Variants in CSMD1 observed in about 807,000 individuals in gnomAD.
CSMD1 encodes the protein CUB and sushi domain-containing protein 1.
A neutral mutation model predicts 417.5 loss-of-function variants in CSMD1; 213 were observed. The observed-to-expected ratio is 0.51, with a 90% CI of 0.46 to 0.57. The LOEUF (loss-of-function observed/expected upper bound fraction) is 0.57, where lower values mean the gene tolerates loss of function less well. Ranked by LOEUF, CSMD1 falls within the 20% of genes least tolerant of loss-of-function variation. The pLI, the probability that CSMD1 is intolerant of heterozygous loss-of-function variation, is 0.00. For synonymous variants in CSMD1, 2,862 were observed against 1,736.8 expected (o/e 1.65, Z -16.11); for missense variants, 6,923 against 4,529.7 (o/e 1.53, Z -15.17).
chr8:3,993,088 C>G (rs1814883946), intron 5 of CSMD1, among the ~76,000 whole-genome samples: 1 of 152,202 alleles, frequency 6.6e-6, no homozygotes, highest in African/African-American at 2.4e-5. Flanking sequence ...CAAACAGAGT[C>G]TGAAAATGAG....
At chr8:4,418,130 G>A (rs1046075174) in intron 3 of CSMD1, among the ~76,000 whole-genome samples, 1 of 151,552 alleles carries the variant, frequency 6.6e-6, no homozygotes, top group African/African-American at 2.4e-5. Flanking sequence ...CTTTTTGACA[G>A]GTTTTTTTCT....
intron 3 of CSMD1, among the ~76,000 whole-genome samples, chr8:4,188,951 A>G (rs1350705530): frequency 6.6e-6 from 1 of 152,212 alleles, no homozygotes; most frequent in African/African-American, 2.4e-5. Flanking sequence ...CTCAGATATT[A>G]GAGCCCTGTG....
intron 1 of CSMD1, among the ~76,000 whole-genome samples, chr8:4,703,183 C>T (rs1044183491): frequency 6.6e-6 from 1 of 152,132 alleles, no homozygotes; most frequent in Non-Finnish European, 1.5e-5. Context: ...TTCAAATTTT[C>T]TTTACAAAAT....
intron 3 of CSMD1, among the ~76,000 whole-genome samples, chr8:4,158,864 C>G (rs981427586): frequency 1.3e-4 from 20 of 152,288 alleles, no homozygotes; most frequent in African/African-American, 4.8e-4. Flanking sequence ...TCTGAAATCT[C>G]AAGTCCTCAG....
chr8:3,250,725 T>C (rs1419749340), intron 26 of CSMD1, among the ~76,000 whole-genome samples: 1 of 152,150 alleles, frequency 6.6e-6, no homozygotes, highest in African/African-American at 2.4e-5. Context: ...CACCTGTTGT[T>C]TCCTGACTTT....
intron 23 of CSMD1, among the ~76,000 whole-genome samples, chr8:3,335,623 T>G (rs1222035099): frequency 6.6e-6 from 1 of 151,970 alleles, no homozygotes; most frequent in Non-Finnish European, 1.5e-5. Flanking sequence ...GTGCAATGAG[T>G]CGAGCTCGTG....
At chr8:3,088,827 G>C (rs942150556) in intron 48 of CSMD1, among the ~76,000 whole-genome samples, 1 of 135,106 alleles carries the variant, frequency 7.4e-6, no homozygotes, top group African/African-American at 2.8e-5. Flanking sequence ...TCAATGGCTT[G>C]GAATCACTGT....
At chr8:4,812,724 A>G (rs1798978309) in intron 1 of CSMD1, among the ~76,000 whole-genome samples, 1 of 152,230 alleles carries the variant, frequency 6.6e-6, no homozygotes, top group Admixed American at 6.5e-5. Context: ...TATTAAAAGA[A>G]ATTGCCTTTC....
At chr8:3,202,052 C>T (rs1797019654) in intron 31 of CSMD1, among the ~76,000 whole-genome samples, 1 of 151,966 alleles carries the variant, frequency 6.6e-6, no homozygotes, top group Non-Finnish European at 1.5e-5. Context: ...CCTGTAATCC[C>T]AGTACTTTGG....
At chr8:4,454,279 T>C (rs1799336014) in intron 2 of CSMD1, among the ~76,000 whole-genome samples, 1 of 152,206 alleles carries the variant, frequency 6.6e-6, no homozygotes. Flanking sequence ...ACTGGACTCC[T>C]GACTTCGGTG....
chr8:3,236,444 G>A (rs1225123627), intron 26 of CSMD1, among the ~76,000 whole-genome samples: 1 of 152,178 alleles, frequency 6.6e-6, no homozygotes, highest in East Asian at 1.9e-4. Flanking sequence ...TGAGGAAGGA[G>A]AAAGAGAACA....
At chr8:4,043,429 C>G (rs1391471756) in intron 3 of CSMD1, among the ~76,000 whole-genome samples, 1 of 152,170 alleles carries the variant, frequency 6.6e-6, no homozygotes, top group Non-Finnish European at 1.5e-5. Flanking sequence ...CTCACACCTG[C>G]AAGGTGCACA....
intron 3 of CSMD1, among the ~76,000 whole-genome samples, chr8:4,133,016 C>G (rs147916043): frequency 8.2e-4 from 125 of 152,256 alleles, no homozygotes; most frequent in African/African-American, 2.6e-3. Flanking sequence ...TCACTGCAAC[C>G]TCCGACTCCC....
chr8:4,483,581 G>T (rs62479678), intron 2 of CSMD1, among the ~76,000 whole-genome samples: 1 of 152,050 alleles, frequency 6.6e-6, no homozygotes, highest in African/African-American at 2.4e-5. Context: ...AAATCAAATA[G>T]GTGATTCATT....
At chr8:4,311,964 TAGAAA>T (rs998062927) in intron 3 of CSMD1, among the ~76,000 whole-genome samples, 21 of 151,924 alleles carry the variant, frequency 1.4e-4, no homozygotes, top group African/African-American at 4.6e-4. Flanking sequence ...ACCTGAAACT[TAGAAA>T]ACAAAATAAA....
chr8:3,902,799 A>G (rs1340415036), intron 5 of CSMD1, among the ~76,000 whole-genome samples: 3 of 152,120 alleles, frequency 2.0e-5, no homozygotes, highest in Non-Finnish European at 4.4e-5. Context: ...GCAACATTTT[A>G]TGAGAATTAA....
intron 10 of CSMD1, among the ~76,000 whole-genome samples, chr8:3,513,055 A>G (rs1490440535): frequency 9.2e-5 from 14 of 152,172 alleles, no homozygotes; most frequent in Admixed American, 7.9e-4. Context: ...TTCCACTTCT[A>G]AAACGGATAG....
At chr8:4,825,650 G>T (rs890047269) in intron 1 of CSMD1, among the ~76,000 whole-genome samples, 4 of 151,916 alleles carry the variant, frequency 2.6e-5, no homozygotes, top group African/African-American at 9.7e-5. Flanking sequence ...AAAAGCTTCT[G>T]CACAGCAAAG....
chr8:3,356,500 C>T (rs1325023229), intron 21 of CSMD1, among the ~76,000 whole-genome samples: 2 of 152,096 alleles, frequency 1.3e-5, no homozygotes, highest in African/African-American at 4.8e-5. Context: ...CATGGTGAAA[C>T]CCCGTCTTTA....
Sources: gnomAD v4.1 joint callset for allele counts (sites outside exome capture counted in the v4.1 genomes callset) on GRCh38, gnomAD v4.1.1 for gene constraint, MANE v1.5 for transcripts, NCBI Gene and HGNC (gene_info 2026-07-23, HGNC 2026-07-21) for gene names.